The following FOXN3 variants were observed in gnomAD, a reference collection of about 807,000 sequenced individuals.
FOXN3 encodes the protein forkhead box protein N3.
A neutral mutation model predicts 38.4 loss-of-function variants in FOXN3; 7 were observed. The ratio of observed to expected loss-of-function variants is 0.18; its 90% CI spans 0.10 to 0.34. FOXN3 has a LOEUF of 0.34. Among genes scored for constraint, FOXN3 ranks in the 10% least tolerant of loss-of-function variants. The pLI, the probability that FOXN3 is intolerant of heterozygous loss-of-function variation, is 1.00. For synonymous variants in FOXN3, 230 were observed against 242.2 expected (o/e 0.95, Z 0.47); for missense variants, 456 against 613.4 (o/e 0.74, Z 2.71).
chr14:89,445,262 A>T lies in FOXN3; in HGVS notation c.-14-32772T>A, dbSNP rs145273268. On this transcript the variant is annotated intron_variant, in intron 1 of 6. Transcript: ENST00000345097. Reference sequence around the variant, plus strand: ...TGAGTTCCCCATCTGTAAAATGGGGATGGTGACTACCTATTTCAAGCAGTG... The same window carrying T: ...TGAGTTCCCCATCTGTAAAATGGGGTTGGTGACTACCTATTTCAAGCAGTG... Among the ~76,000 whole-genome samples the T allele has an allele frequency of 2.4e-3, 366 of 152,266 alleles. 2 individuals are homozygous for T. Among genetic ancestry groups the T allele is most frequent in the African/African-American group, 8.5e-3 (354 of 41,562 alleles).
At chr14:89,249,972 C>T (rs1885407556) in intron 4 of FOXN3, among the ~76,000 whole-genome samples, 2 of 152,284 alleles carry the variant, frequency 1.3e-5, no homozygotes, top group Non-Finnish European at 1.5e-5. Flanking sequence ...GACATGCTAC[C>T]TGTGGGTGCC....
At position 89,161,594 on chromosome 14, in the gene FOXN3, T is replaced by TGCGC. The variant is rs1555407815; in HGVS notation, c.*819_*820insGCGC. On this transcript the variant is annotated 3_prime_UTR_variant, in exon 6 of 6. Coordinates refer to ENST00000557258, the MANE Select transcript of FOXN3 (RefSeq NM_005197.4). Reference sequence around the variant, plus strand: ...GTGTGTGTGTGTGTGTGTGTGTGTGTGTGCGTGCGTGCACAGGGCCAATCT... The same window carrying TGCGC: ...GTGTGTGTGTGTGTGTGTGTGTGTGTGCGCGTGCGTGCGTGCACAGGGCCAATCT... 5 of 138,348 alleles carry TGCGC rather than the reference T, an allele frequency of 3.6e-5. No homozygotes were observed. The highest frequency in any genetic ancestry group is 6.4e-5 in the Non-Finnish European group (4 of 62,352). The allele number at this position is 138,348 out of a possible 1,614,324, so 8.6% of individuals were successfully genotyped here.
Position 89,469,924 on chromosome 14 carries a change from G to A in FOXN3, c.-14-57434C>T, listed in dbSNP as rs116366876. Among the ~76,000 whole-genome samples, 960 of 152,328 alleles carry A rather than the reference G, an allele frequency of 6.3e-3. 11 individuals are homozygous for A. The highest frequency in any genetic ancestry group is 0.021 in the African/African-American group (878 of 41,574). ...CGAGTTGGTCGCCACGGGCTTCCAC[G>A]CAGGTGCGTTTTTTTAAAGAGGCAA... is the stretch of plus-strand genomic sequence containing the variant. On this transcript the variant is annotated intron_variant, in intron 1 of 6. Transcript: ENST00000345097.
At chr14:89,470,888 C>T (rs931154581) in intron 1 of FOXN3, among the ~76,000 whole-genome samples, 1 of 152,158 alleles carries the variant, frequency 6.6e-6, no homozygotes, top group African/African-American at 2.4e-5. Flanking sequence ...ACCTTCTCTA[C>T]CACTCAGCAA....
intron 3 of FOXN3, among the ~76,000 whole-genome samples, chr14:89,295,762 A>ATTTT (rs1032063820): frequency 4.1e-5 from 5 of 123,224 alleles, no homozygotes; most frequent in East Asian, 2.2e-4. Flanking sequence ...TAATTTTTGC[A>ATTTT]TTTTTTTTTT....
intron 1 of FOXN3, among the ~76,000 whole-genome samples, chr14:89,415,604 C>CAAAAAAAAAAAAA (rs34026101): frequency 2.9e-4 from 16 of 54,284 alleles, no homozygotes; most frequent in Middle Eastern, 0.015. Flanking sequence ...CAACAATAAC[C>CAAAAAAAAAAAAA]AAAAAAAAAA....
At chr14:89,521,906 A>T (rs1027671998) in intron 1 of FOXN3, among the ~76,000 whole-genome samples, 5 of 152,054 alleles carry the variant, frequency 3.3e-5, no homozygotes, top group African/African-American at 1.2e-4. Context: ...AATTCCAGCT[A>T]CTCAGGAGGC....
At chr14:89,433,699 G>A (rs1892213335) in intron 1 of FOXN3, among the ~76,000 whole-genome samples, 1 of 151,290 alleles carries the variant, frequency 6.6e-6, no homozygotes, top group Non-Finnish European at 1.5e-5. Context: ...AGCTATTCAG[G>A]AGGCTGAGGC....
intron 1 of FOXN3, among the ~76,000 whole-genome samples, chr14:89,562,549 C>T (rs1349976664): frequency 1.3e-5 from 2 of 152,078 alleles, no homozygotes; most frequent in Non-Finnish European, 2.9e-5. Context: ...TGTGAGCCAC[C>T]GTGCCCAGCC....
intron 3 of FOXN3, among the ~76,000 whole-genome samples, chr14:89,299,766 A>C (rs946957790): frequency 2.0e-5 from 3 of 152,182 alleles, no homozygotes; most frequent in African/African-American, 7.2e-5. Context: ...CAACAGTTTC[A>C]CGGAGGTCTT....
At chr14:89,424,737 T>C (rs962611105) in intron 1 of FOXN3, among the ~76,000 whole-genome samples, 19 of 151,546 alleles carry the variant, frequency 1.3e-4, no homozygotes, top group African/African-American at 4.1e-4. Context: ...ATAGAAAAAT[T>C]AGCCAGGCAT....
chr14:89,225,432 G>A (rs1190306372), intron 4 of FOXN3, among the ~76,000 whole-genome samples: 5 of 151,400 alleles, frequency 3.3e-5, no homozygotes, highest in East Asian at 3.9e-4. Flanking sequence ...GTGAAACCCC[G>A]TCTCTACTAA....
Position 89,162,720 on chromosome 14 carries a change from G to T in FOXN3, c.1101C>A (p.Ser367Arg), listed in dbSNP as rs373179687. Residue 367 changes from serine (S) to arginine (R), a missense_variant, in exon 6 of 6, where the codon AGC becomes AGA. Physicochemically the swap from Ser to Arg is moderately radical, Grantham distance 110. Transcript: ENST00000557258. The surrounding 1 kb of genome is among the most constrained non-coding windows in gnomAD (Gnocchi z 7.2). The stretch of plus-strand genomic sequence containing the variant: ...TGTCGTCCTCTTCCGTGTCGCTGGG[G>T]CTCTCGTGGCTCCGGAAGCTCCCCT... ...GSEGSFRSHESPSDTEEDDRK... is the reference protein window; with the variant it reads ...GSEGSFRSHERPSDTEEDDRK... 15 of 1,613,872 alleles carry T rather than the reference G, an allele frequency of 9.3e-6. No individual in the cohort carries two copies. The highest frequency in any genetic ancestry group is 2.7e-5 in the African/African-American group (2 of 74,904).
chr14:89,455,844 G>A (rs1892710619), intron 1 of FOXN3, among the ~76,000 whole-genome samples: 2 of 152,092 alleles, frequency 1.3e-5, no homozygotes, highest in South Asian at 4.1e-4. Flanking sequence ...AATAAATACT[G>A]ATAAATAATT....
At chr14:89,195,389 G>A (rs796895172) in intron 4 of FOXN3, among the ~76,000 whole-genome samples, 5 of 152,294 alleles carry the variant, frequency 3.3e-5, no homozygotes, top group African/African-American at 1.2e-4. Flanking sequence ...AATTTTCTGT[G>A]GTCAAGAGAG....
chr14:89,319,048 G>A (rs890018210), intron 3 of FOXN3, among the ~76,000 whole-genome samples: 1 of 152,192 alleles, frequency 6.6e-6, no homozygotes, highest in African/African-American at 2.4e-5. Flanking sequence ...ACACTTCTGA[G>A]ACAAAATCAA....
chr14:89,532,444 T>C (rs1894589237), intron 1 of FOXN3, among the ~76,000 whole-genome samples: 1 of 152,240 alleles, frequency 6.6e-6, no homozygotes, highest in African/African-American at 2.4e-5. Flanking sequence ...CATTTTCTCA[T>C]GTTTATAATA....
intron 1 of FOXN3, among the ~76,000 whole-genome samples, chr14:89,424,756 G>C (rs1333496064): frequency 6.6e-6 from 1 of 151,632 alleles, no homozygotes; most frequent in African/African-American, 2.4e-5. Flanking sequence ...ATGGTGGCAC[G>C]TGCCTATAGT....
At chr14:89,383,921 C>T (rs1401989649) in intron 2 of FOXN3, among the ~76,000 whole-genome samples, 1 of 151,638 alleles carries the variant, frequency 6.6e-6, no homozygotes, top group East Asian at 1.9e-4. Context: ...TCCCGAGTAG[C>T]TGGAATTACA....
Sources: allele counts gnomAD v4.1 joint callset (sites outside exome capture counted in the v4.1 genomes callset), GRCh38; gene constraint gnomAD v4.1.1; non-coding constraint Gnocchi (gnomAD v3.1); transcripts MANE v1.5; gene names NCBI Gene and HGNC (gene_info 2026-07-23, HGNC 2026-07-21).